The following RAF1 variants were observed in gnomAD, a reference collection of about 807,000 sequenced individuals.
RAF1 encodes the protein RAF proto-oncogene serine/threonine-protein kinase.
Under a neutral mutation model 81.1 loss-of-function variants are expected in RAF1, and 27 were observed. The observed-to-expected ratio is 0.33, with a 90% CI of 0.25 to 0.46. The LOEUF (loss-of-function observed/expected upper bound fraction) is 0.46. Ranked by LOEUF, RAF1 falls within the 20% of genes least tolerant of loss-of-function variation. The pLI, the probability that RAF1 is intolerant of heterozygous loss-of-function variation, is 1.00. For synonymous variants in RAF1, 298 were observed against 294.0 expected (o/e 1.01, Z -0.14); for missense variants, 598 against 826.0 (o/e 0.72, Z 3.38).
intron 13 of RAF1, among the ~76,000 whole-genome samples, 183 bp from the exon 13 acceptor site, chr3:12,587,820 C>T (rs181394944): frequency 9.1e-5 from 13 of 142,926 alleles, no homozygotes; most frequent in Middle Eastern, 3.7e-3. Context: ...GAGGCCACAG[C>T]ACAAACATGC....
chr3:12,645,335 T>C (rs920841722), intron 1 of RAF1, among the ~76,000 whole-genome samples: 2 of 152,130 alleles, frequency 1.3e-5, no homozygotes, highest in Non-Finnish European at 2.9e-5. Context: ...CACAGAACTG[T>C]TAGAATTAAG....
rs1575661133 is a variant in RAF1, at chr3:12,646,553, G to T, written c.-27+17260C>A. Among the ~76,000 whole-genome samples, 2 of 141,426 alleles carry T rather than the reference G, an allele frequency of 1.4e-5. 1 individual carries two copies. Among genetic ancestry groups the T allele is most frequent in the African/African-American group, 5.6e-5 (2 of 35,980 alleles). 92.8% of individuals were successfully genotyped at this position (141,426 alleles called of 152,430 possible). On this transcript the variant is annotated intron_variant, in intron 1 of 17. Transcript: ENST00000442415. ...CAACGCCCTGCTAATTTTTGTATTT[G>T]TCTTTTTTTTTTTTTTGAGACAGAG... is the stretch of plus-strand genomic sequence containing the variant.
intron 11 of RAF1, among the ~76,000 whole-genome samples, chr3:12,596,889 A>T (rs1054609998): frequency 1.7e-4 from 25 of 150,548 alleles, no homozygotes; most frequent in South Asian, 2.1e-4. Flanking sequence ...TTTCTGACTT[A>T]AAAAACCTAG....
intron 15 of RAF1, 21 bp downstream of exon 14, chr3:12,585,659 TG>T (rs2125325272): frequency 6.4e-7 from 1 of 1,573,018 alleles, no homozygotes; most frequent in Non-Finnish European, 8.8e-7. Flanking sequence ...CAGAGACTGC[TG>T]GTGGGAGCCC....
At position 12,619,627 on chromosome 3, in the gene RAF1, T is replaced by C. The variant is rs531202303; in HGVS notation, c.-26-880A>G. 7.1e-4 allele frequency among the ~76,000 whole-genome samples: 107 copies of C among 151,490 alleles called. 1 individual carries two copies. The highest frequency in any genetic ancestry group is 2.4e-3 in the African/African-American group (101 of 41,296). On this transcript the variant is annotated intron_variant, in intron 1 of 17. Transcript: ENST00000442415. ...CCCAGGTCTCAAGACTTCTAGTCTA[T>C]TACTTTTTCAACTACATTTCTCTTC...
At chr3:12,622,415 C>T (rs1344544264) in intron 1 of RAF1, among the ~76,000 whole-genome samples, 4 of 152,198 alleles carry the variant, frequency 2.6e-5, no homozygotes, top group East Asian at 1.9e-4. Context: ...CGTCTAAAGG[C>T]CTTCTTTCGT....
At chr3:12,591,034 T>G (rs1024714689) in intron 12 of RAF1, 60 bp from the exon 12 acceptor site, 58 of 1,470,882 alleles carry the variant, frequency 3.9e-5, no homozygotes, top group Non-Finnish European at 4.6e-5. Context: ...AGGTCTACTG[T>G]GCTTTCCCGT....
In RAF1 at chr3:12,622,403, G is replaced by A. The variant is rs150471635; in HGVS notation, c.-26-3656C>T. Among the ~76,000 whole-genome samples the A allele has an allele frequency of 2.1e-4, 32 of 152,298 alleles. No individual in the cohort carries two copies. In the East Asian group the frequency reaches 5.4e-3, roughly 26 times the overall value. ...GAATAAAATCTAAACTCCCTGACAA[G>A]GCGTCTAAAGGCCTTCTTTCGTAAC... On this transcript the variant is annotated intron_variant, in intron 1 of 17. Transcript: ENST00000442415.
intron 13 of RAF1, 113 bp downstream of exon 12, chr3:12,590,685 C>G: frequency 3.2e-6 from 4 of 1,248,842 alleles, no homozygotes; most frequent in Non-Finnish European, 4.6e-6. Flanking sequence ...GAGGCTTGTG[C>G]AAAGATATCA....
At chr3:12,612,274 T>C (rs2059236677) in intron 2 of RAF1, among the ~76,000 whole-genome samples, 1 of 152,178 alleles carries the variant, frequency 6.6e-6, no homozygotes, top group South Asian at 2.1e-4. Flanking sequence ...TTATATTACT[T>C]ATAATGACCT....
intron 1 of RAF1, among the ~76,000 whole-genome samples, chr3:12,659,271 T>C (rs764402777): frequency 2.0e-5 from 3 of 151,018 alleles, no homozygotes; most frequent in Non-Finnish European, 3.0e-5. Context: ...CTACTAAAAA[T>C]ACAAAAATTA....
At chr3:12,614,474 C>A (rs1248047487) in intron 2 of RAF1, among the ~76,000 whole-genome samples, 2 of 151,984 alleles carry the variant, frequency 1.3e-5, no homozygotes, top group Admixed American at 6.6e-5. Flanking sequence ...GCTCTGTCAT[C>A]TAGGCTGGAA....
At chr3:12,632,237 T>C (rs1459273709) in intron 1 of RAF1, among the ~76,000 whole-genome samples, 1 of 150,448 alleles carries the variant, frequency 6.6e-6, no homozygotes, top group Non-Finnish European at 1.5e-5. Context: ...GGCAGGTGAA[T>C]TGTTTGAACC....
At chr3:12,636,931 A>T (rs955802850) in intron 1 of RAF1, among the ~76,000 whole-genome samples, 3 of 152,338 alleles carry the variant, frequency 2.0e-5, no homozygotes, top group Non-Finnish European at 2.9e-5. Flanking sequence ...TAGATAAAAG[A>T]ACAGGTACTG....
intron 2 of RAF1, 72 bp downstream of exon 2, chr3:12,618,443 G>A: frequency 1.3e-6 from 2 of 1,521,456 alleles, no homozygotes; most frequent in African/African-American, 2.7e-5. Context: ...CTGTCTTTAA[G>A]TTGAACATGA....
intron 2 of RAF1, among the ~76,000 whole-genome samples, chr3:12,613,437 C>G (rs964032715): frequency 6.6e-6 from 1 of 151,154 alleles, no homozygotes. Flanking sequence ...CCACACCCCG[C>G]CCCCAGAAGG....
At chr3:12,600,033 C>T (rs2058809598) in intron 10 of RAF1, 119 bp downstream of exon 9, 3 of 1,470,166 alleles carry the variant, frequency 2.0e-6, no homozygotes, top group Non-Finnish European at 2.8e-6. Flanking sequence ...TTTATAATCT[C>T]CTTCATTGAA....
chr3:12,607,100 A>G (rs1183911363), intron 5 of RAF1, among the ~76,000 whole-genome samples: 2 of 152,244 alleles, frequency 1.3e-5, no homozygotes, highest in African/African-American at 4.8e-5. Context: ...GCTTCTCTGG[A>G]AACATTCCAT....
At chr3:12,617,742 A>G (rs2059417690) in intron 2 of RAF1, among the ~76,000 whole-genome samples, 1 of 151,848 alleles carries the variant, frequency 6.6e-6, no homozygotes, top group Admixed American at 6.6e-5. Context: ...AAAAAACAAA[A>G]ATCAGCCAGG....
Sources: allele counts gnomAD v4.1 joint callset (sites outside exome capture counted in the v4.1 genomes callset), GRCh38; gene constraint gnomAD v4.1.1; transcripts MANE v1.5; gene names NCBI Gene and HGNC (gene_info 2026-07-23, HGNC 2026-07-21).